The following BCAT1 variants were observed in gnomAD, a reference collection of about 807,000 sequenced individuals.
BCAT1 encodes branched chain amino acid transaminase 1.
In BCAT1, 48 loss-of-function variants were observed where a neutral mutation model predicts 52.4. That is an observed-to-expected ratio of 0.92 (90% CI 0.73 to 1.16). The LOEUF (loss-of-function observed/expected upper bound fraction) is 1.16, where lower values mean the gene tolerates loss of function less well. Ranked by LOEUF, BCAT1 falls within the 50% of genes most tolerant of loss-of-function variation. The pLI, the probability that BCAT1 is intolerant of heterozygous loss-of-function variation, is 0.00. For synonymous variants in BCAT1, 167 were observed against 161.3 expected, an observed-to-expected ratio of 1.04 and a Z score of -0.27; for missense variants, 451 against 457.1, an observed-to-expected ratio of 0.99 and a Z score of 0.12.
Position 24,892,943 on chromosome 12 carries a change from C to G in BCAT1, c.279+1332G>C, listed in dbSNP as rs1942881888. On this transcript the variant is annotated intron_variant, in intron 3 of 10. Coordinates refer to ENST00000261192, the MANE Select transcript of BCAT1 (RefSeq NM_005504.7). ...GCTTGTGGCAAATAATGAAAGAACT[C>G]ATTCAAATTGACATAACAGGAAGAG... 2.0e-5 allele frequency among the ~76,000 whole-genome samples: 3 copies of G among 152,212 alleles called. No homozygotes were observed. The East Asian group carries it at 5.8e-4, about 29-fold the overall frequency.
Position 24,881,319 on chromosome 12 carries a change from A to T in BCAT1, c.372T>A (p.Ala124=). Residue 124 remains alanine, a synonymous_variant, in exon 4 of 11, where the codon GCT becomes GCA. Coordinates refer to ENST00000261192, the MANE Select transcript of BCAT1 (RefSeq NM_005504.7). The part of the protein sequence containing the change: ...NLNMDRMYRS[A]VRATLPVFDK... ...TACATACCGGCAGAGTTGCCCTCAC[A>T]GCAGAGCGATACATTCTATCCATGT... 1.2e-6 allele frequency: 2 copies of T among 1,611,864 alleles called. No individual in the cohort carries two copies. The highest frequency in any genetic ancestry group is 1.7e-6 in the Non-Finnish European group (2 of 1,177,974).
chr12:24,856,289 C>G (rs1941679875), intron 5 of BCAT1, among the ~76,000 whole-genome samples: 1 of 152,142 alleles, frequency 6.6e-6, no homozygotes, highest in Non-Finnish European at 1.5e-5. Flanking sequence ...CATACTGAAC[C>G]CCTTCCATTG....
intron 1 of BCAT1, among the ~76,000 whole-genome samples, chr12:24,936,789 CCTT>C (rs1355631572): frequency 6.8e-6 from 1 of 147,308 alleles, no homozygotes; most frequent in East Asian, 2.0e-4. Context: ...TGTGGCATCT[CCTT>C]CTCTGATTCT....
intron 5 of BCAT1, among the ~76,000 whole-genome samples, chr12:24,853,374 G>A (rs181763644): frequency 2.0e-5 from 3 of 152,212 alleles, no homozygotes; most frequent in East Asian, 3.9e-4. Flanking sequence ...TCACACGTCC[G>A]CACTTATAAG....
chr12:24,933,019 C>T (rs1383007454), intron 1 of BCAT1, among the ~76,000 whole-genome samples: 1 of 150,408 alleles, frequency 6.6e-6, no homozygotes, highest in African/African-American at 2.4e-5. Context: ...ACCATATTGG[C>T]CAGGCTGGTC....
At chr12:24,862,586 C>A (rs190218026) in intron 5 of BCAT1, among the ~76,000 whole-genome samples, 25 of 152,316 alleles carry the variant, frequency 1.6e-4, no homozygotes, top group Admixed American at 1.6e-3. Flanking sequence ...GTGATGCATG[C>A]TGCATACACG....
chr12:24,845,137 C>T (rs539688605), intron 6 of BCAT1, among the ~76,000 whole-genome samples: 1 of 151,194 alleles, frequency 6.6e-6, no homozygotes, highest in East Asian at 1.9e-4. Context: ...CCACTCACAC[C>T]AGGGAGGCGG....
intron 6 of BCAT1, among the ~76,000 whole-genome samples, chr12:24,843,098 A>G (rs1339234500): frequency 6.6e-6 from 1 of 152,200 alleles, no homozygotes; most frequent in Non-Finnish European, 1.5e-5. Flanking sequence ...GATCGGGAAT[A>G]AACTCTAGTC....
At chr12:24,871,907 T>C (rs547018970) in intron 5 of BCAT1, among the ~76,000 whole-genome samples, 1 of 152,350 alleles carries the variant, frequency 6.6e-6, no homozygotes, top group East Asian at 1.9e-4. Flanking sequence ...ATATAAAATA[T>C]ATTGAGTTAT....
intron 6 of BCAT1, among the ~76,000 whole-genome samples, chr12:24,843,974 G>A (rs956671520): frequency 6.6e-5 from 10 of 152,252 alleles, no homozygotes; most frequent in African/African-American, 1.4e-4. Flanking sequence ...AGAAGAAAGC[G>A]GCTGAAGTGG....
intron 4 of BCAT1, among the ~76,000 whole-genome samples, chr12:24,879,708 C>T (rs1303507749): frequency 6.6e-6 from 1 of 152,188 alleles, no homozygotes; most frequent in Non-Finnish European, 1.5e-5. Flanking sequence ...ATAAAAACAC[C>T]TGGATCTAAT....
intron 5 of BCAT1, among the ~76,000 whole-genome samples, chr12:24,856,493 G>A (rs1390956798): frequency 6.6e-6 from 1 of 151,700 alleles, no homozygotes; most frequent in African/African-American, 2.4e-5. Flanking sequence ...AGACATGAAA[G>A]TGAGGCCTTA....
At chr12:24,866,161 A>G (rs4459405) in intron 5 of BCAT1, among the ~76,000 whole-genome samples, 128,267 of 152,198 alleles carry the variant, frequency 0.84, 54,355 homozygotes, top group East Asian at 1. Context: ...GGCAGGCCCC[A>G]CATTCGGAGC....
intron 1 of BCAT1, among the ~76,000 whole-genome samples, chr12:24,934,644 C>T (rs1943726653): frequency 6.6e-6 from 1 of 152,162 alleles, no homozygotes; most frequent in Non-Finnish European, 1.5e-5. Flanking sequence ...ACCTCTGCTC[C>T]CAGGTTCAAG....
intron 1 of BCAT1, among the ~76,000 whole-genome samples, chr12:24,915,078 G>T (rs948745069): frequency 2.0e-5 from 3 of 151,602 alleles, no homozygotes; most frequent in Non-Finnish European, 4.4e-5. Flanking sequence ...ATGATTATCT[G>T]CTTAAAGTGC....
chr12:24,907,398 T>C (rs866755232), intron 1 of BCAT1, among the ~76,000 whole-genome samples: 3 of 152,256 alleles, frequency 2.0e-5, no homozygotes, highest in Non-Finnish European at 2.9e-5. Flanking sequence ...TTCATGTCTG[T>C]CAGGCCTCTG....
At chr12:24,874,889 T>C (rs1307061948) in intron 5 of BCAT1, among the ~76,000 whole-genome samples, 1 of 151,892 alleles carries the variant, frequency 6.6e-6, no homozygotes, top group African/African-American at 2.4e-5. Context: ...TAGCCTAACA[T>C]AGATTTATTC....
intron 1 of BCAT1, among the ~76,000 whole-genome samples, chr12:24,942,160 G>T (rs1295783527): frequency 1.3e-5 from 2 of 152,180 alleles, no homozygotes; most frequent in East Asian, 1.9e-4. Context: ...AAACCAGTAT[G>T]CAGGGCAATG....
At chr12:24,841,875 G>A (rs1941184083) in intron 7 of BCAT1, among the ~76,000 whole-genome samples, 1 of 152,018 alleles carries the variant, frequency 6.6e-6, no homozygotes, top group Non-Finnish European at 1.5e-5. Context: ...CTGCAGCCTG[G>A]GTGACATAGT....
Sources: gnomAD v4.1 joint callset for allele counts (sites outside exome capture counted in the v4.1 genomes callset) on GRCh38, gnomAD v4.1.1 for gene constraint, MANE v1.5 for transcripts, NCBI Gene and HGNC (gene_info 2026-07-23, HGNC 2026-07-21) for gene names.